The following SEMA3F variants were observed in gnomAD, a reference collection of about 807,000 sequenced individuals.
SEMA3F encodes the protein semaphorin-3F.
In SEMA3F, 30 loss-of-function variants were observed where a neutral mutation model predicts 98.5. That is an observed-to-expected ratio of 0.30 (90% confidence interval 0.23 to 0.41). The LOEUF (loss-of-function observed/expected upper bound fraction) is 0.41, where lower values mean the gene tolerates loss of function less well. Ranked by LOEUF, SEMA3F falls within the 10% of genes least tolerant of loss-of-function variation. The pLI is 1.00. For missense variants in SEMA3F, 866 were observed against 1,119.3 expected, an observed-to-expected ratio of 0.77 and a Z score of 3.23; for synonymous variants, 380 against 444.8, an observed-to-expected ratio of 0.85 and a Z score of 1.83.
chr3:50,185,670 C>T lies in SEMA3F; in HGVS notation c.1550C>T (p.Pro517Leu). Residue 517 changes from proline to leucine, a missense_variant, in exon 15 of 19, where the codon CCA becomes CTA. Pro to Leu is a moderately conservative substitution (Grantham distance 98, BLOSUM62 -3). Around this residue, in one of 3 missense-constraint regions of SEMA3F, gnomAD observed 374 missense variants for 582.8 expected, o/e 0.64. Coordinates refer to ENST00000002829, the MANE Select transcript of SEMA3F (RefSeq NM_004186.5). ...MLEEVEVFKD[P>L]APVKTMTISS... ...CTGATCTTTATCTTTTTCTAGGATC[C>T]AGCACCCGTCAAGACCATGACCATC... 6.2e-7 allele frequency: 1 copy of T among 1,614,180 alleles called. No homozygotes were observed. The highest frequency in any genetic ancestry group is 2.2e-5 in the East Asian group (1 of 44,884).
chr3:50,185,400 CAG>C, intron 13 of SEMA3F, 41 bp from the exon 14 acceptor site: 1 of 1,549,602 alleles, frequency 6.5e-7, no homozygotes, highest in Non-Finnish European at 8.8e-7. Context: ...ACCCCTTCCC[CAG>C]CATCCCCAGC....
chr3:50,166,881 G>C lies in SEMA3F; in HGVS notation c.113-6912G>C, dbSNP rs531269513. Among the ~76,000 whole-genome samples the C allele has an allele frequency of 6.6e-6, 1 of 152,014 alleles. No homozygotes were observed. The highest frequency in any genetic ancestry group is 1.5e-5 in the Non-Finnish European group (1 of 67,988). ...GTGGAGGAAGGAGTGAGGGGTTTCC[G>C]GGCCAGGTCTGGAATGTGGGAGGAG... is the stretch of plus-strand genomic sequence containing the variant. On this transcript the variant is annotated intron_variant, in intron 2 of 18. Coordinates refer to ENST00000002829, the MANE Select transcript of SEMA3F (RefSeq NM_004186.5). The surrounding 1 kb of genome is among the most constrained non-coding windows in gnomAD (Gnocchi z 4.7).
chr3:50,163,383 G>A (rs979153156), intron 2 of SEMA3F, among the ~76,000 whole-genome samples: 5 of 152,372 alleles, frequency 3.3e-5, no homozygotes, highest in South Asian at 4.1e-4. Flanking sequence ...GAACATCAGG[G>A]CCTAAGAGAG....
At chr3:50,174,150 A>G in intron 4 of SEMA3F, 36 bp downstream of exon 4, 1 of 1,613,912 alleles carries the variant, frequency 6.2e-7, no homozygotes, top group Non-Finnish European at 8.5e-7. Context: ...GGAAGGGGGA[A>G]TCCACAGGTG....
chr3:50,177,193 G>A (rs547051181), intron 7 of SEMA3F, among the ~76,000 whole-genome samples: 6 of 152,312 alleles, frequency 3.9e-5, no homozygotes, highest in African/African-American at 7.2e-5. Flanking sequence ...AGCCGAGTGC[G>A]TATCGGGGCT....
chr3:50,158,558 G>A lies in SEMA3F; in HGVS notation c.-48-1017G>A, dbSNP rs1698082974. Among the ~76,000 whole-genome samples, 1 of 152,372 alleles carries A rather than the reference G, an allele frequency of 6.6e-6. No individual in the cohort carries two copies. The highest frequency in any genetic ancestry group is 2.1e-4 in the South Asian group (1 of 4,832). ...CCAACTCCCATCCCAGCATCCTAGAGATGGGCCTGGGGTCCTGCCTGCCAC... is the reference window on the plus strand; with the variant it reads ...CCAACTCCCATCCCAGCATCCTAGAAATGGGCCTGGGGTCCTGCCTGCCAC... On this transcript the variant is annotated intron_variant, in intron 1 of 18. Coordinates refer to ENST00000002829, the MANE Select transcript of SEMA3F (RefSeq NM_004186.5). The surrounding 1 kb of genome is among the most constrained non-coding windows in gnomAD (Gnocchi z 4.8).
rs922768469 is a variant in SEMA3F at position 50,188,260 on chromosome 3, A to T, written c.*145A>T. On this transcript the variant is annotated 3_prime_UTR_variant, in exon 19 of 19. Coordinates refer to ENST00000002829, the MANE Select transcript of SEMA3F (RefSeq NM_004186.5). The surrounding 1 kb of genome is among the most constrained non-coding windows in gnomAD (Gnocchi z 4.5). ...AAGACAGTATTTATTGGTGGGTTGAATATAGCCTGCCTCAGTGGCAGCATC... is the reference window on the plus strand; with the variant it reads ...AAGACAGTATTTATTGGTGGGTTGATTATAGCCTGCCTCAGTGGCAGCATC... The T allele has an allele frequency of 3.6e-6, 1 of 280,074 alleles. No individual in the cohort carries two copies. The highest frequency in any genetic ancestry group is 6.0e-6 in the Non-Finnish European group (1 of 165,940). 17.3% of individuals were successfully genotyped at this position (280,074 alleles called of 1,614,324 possible).
rs1698831232 is a variant in SEMA3F at position 50,176,792 on chromosome 3, G to A, written c.574G>A (p.Glu192Lys). The change falls in exon 7 of 19, where the codon GAG becomes AAG. Residue 192 changes from glutamate (E) to lysine (K), a missense_variant. By Grantham distance (56) the Glu-to-Lys change is moderately conservative. Transcript: ENST00000002829. ...GGATTACATCTTCTACCTGGAGCCT[G>A]AGCGACTCGAGTCAGGGAAGGGCAA... is the stretch of plus-strand genomic sequence containing the variant. Reference protein sequence around the residue: ...RQDYIFYLEPERLESGKGKCP... With the variant: ...RQDYIFYLEPKRLESGKGKCP... The A allele has an allele frequency of 2.4e-5, 39 of 1,613,484 alleles. No homozygotes were observed. The East Asian group carries it at 8.5e-4, about 35-fold the overall frequency.
chr3:50,170,927 G>A (rs1575388312), intron 2 of SEMA3F, among the ~76,000 whole-genome samples: 2 of 152,096 alleles, frequency 1.3e-5, no homozygotes, highest in African/African-American at 2.4e-5. Context: ...CACGGGGAGC[G>A]AGTCACCTTC....
At position 50,183,005 on chromosome 3, in the gene SEMA3F, C is replaced by T. The variant is rs761315769; in HGVS notation, c.1005C>T (p.His335=). 2 of 1,613,658 alleles carry T rather than the reference C, an allele frequency of 1.2e-6. No homozygotes were observed. Among genetic ancestry groups the T allele is most frequent in the African/African-American group, 1.3e-5 (1 of 75,074 alleles). Residue 335 remains histidine, a synonymous_variant, in exon 10 of 19, where the codon CAC becomes CAT. Transcript: ENST00000002829. The stretch of plus-strand genomic sequence containing the variant: ...CGGGCGAGGATGGCATTGAGACTCA[C>T]TTTGATGAGCTCCGTGAGTGCCCAG... ...SVPGEDGIET[H]FDELQDVFVQ... is the part of the protein sequence containing the mutation.
rs760769051 is a variant in SEMA3F, at chr3:50,187,897, G to A, written c.2140G>A (p.Ala714Thr). ...AALFPPLSMS[A>T]PPPPGAGPPT... Reference sequence around the variant, plus strand: ...CCTCTTCCCACCACTGTCCATGAGCGCCCCGCCACCCCCAGGCGCAGGCCC... The same window carrying A: ...CCTCTTCCCACCACTGTCCATGAGCACCCCGCCACCCCCAGGCGCAGGCCC... Residue 714 changes from alanine to threonine, a missense_variant, in exon 19 of 19, where the codon GCC (alanine) becomes ACC (threonine). Ala to Thr is a moderately conservative substitution (Grantham distance 58). This residue lies in a region of SEMA3F where 245 missense variants were observed against 260.5 expected (regional missense o/e 0.94). Coordinates refer to ENST00000002829, the MANE Select transcript of SEMA3F (RefSeq NM_004186.5). The A allele has an allele frequency of 3.9e-5, 63 of 1,609,260 alleles. No homozygotes were observed. The highest frequency in any genetic ancestry group is 5.0e-5 in the Non-Finnish European group (59 of 1,177,454).
At position 50,168,581 on chromosome 3, in the gene SEMA3F, G is replaced by A. The variant is rs1033888019; in HGVS notation, c.113-5212G>A. ...CCCGCTTAGCTTGGCTGGGGTTCCC[G>A]GGGTTGTAGGTCTGTGGCCATGGGC... On this transcript the variant is annotated intron_variant, in intron 2 of 18. Coordinates refer to ENST00000002829, the MANE Select transcript of SEMA3F (RefSeq NM_004186.5). 4.6e-5 allele frequency among the ~76,000 whole-genome samples: 7 copies of A among 152,302 alleles called. No individual in the cohort carries two copies. The South Asian group carries it at 1.0e-3, about 23-fold the overall frequency.
At chr3:50,159,535 C>A (rs1243549510) in intron 1 of SEMA3F, 40 bp from the exon 2 acceptor site, 3 of 746,776 alleles carry the variant, frequency 4.0e-6, no homozygotes, top group Non-Finnish European at 6.8e-6. Context: ...TGAACTCCCC[C>A]ATCTGCCTCA....
Position 50,183,170 on chromosome 3 carries a change from C to T in SEMA3F, c.1019-16C>T. ...CGCCCATGGCACCCTCCAACACCTT[C>T]TCCCTCTGTCCCCAGAGGACGTGTT... On this transcript the variant is annotated splice_polypyrimidine_tract_variant and intron_variant, in intron 10 of 18. Transcript: ENST00000002829. 3.1e-6 allele frequency: 5 copies of T among 1,613,612 alleles called. No homozygotes were observed. In the South Asian group the frequency reaches 5.5e-5, roughly 18 times the overall value.
At chr3:50,160,424 G>T (rs186946387) in intron 2 of SEMA3F, among the ~76,000 whole-genome samples, 3 of 152,312 alleles carry the variant, frequency 2.0e-5, no homozygotes, top group Admixed American at 6.5e-5. Flanking sequence ...GAGGCTGGTC[G>T]CCCGCTCCAT....
intron 1 of SEMA3F, among the ~76,000 whole-genome samples, chr3:50,157,229 C>A (rs1442837079): frequency 6.6e-6 from 1 of 152,050 alleles, no homozygotes. Context: ...GCCCCCTGTC[C>A]CATCCCAGGT....
intron 7 of SEMA3F, among the ~76,000 whole-genome samples, chr3:50,180,604 G>T (rs1232752853): frequency 6.6e-6 from 1 of 152,176 alleles, no homozygotes; most frequent in Non-Finnish European, 1.5e-5. Flanking sequence ...GGAGAGAGAT[G>T]GGAGAATGGC....
intron 10 of SEMA3F, 43 bp from the exon 11 acceptor site, chr3:50,183,143 C>G: frequency 6.3e-7 from 1 of 1,596,880 alleles, no homozygotes; most frequent in Non-Finnish European, 8.6e-7. Flanking sequence ...CCCAGGGGCT[C>G]CCGCCCATGG....
At chr3:50,187,422 CAAAAAAAAA>C (rs901489365) in intron 18 of SEMA3F, among the ~76,000 whole-genome samples, 3 of 58,936 alleles carry the variant, frequency 5.1e-5, no homozygotes, top group Admixed American at 1.6e-4. Context: ...GACCTTGTCT[CAAAAAAAAA>C]AAAAAAAAAA....
Sources: gnomAD v4.1 joint callset for allele counts (sites outside exome capture counted in the v4.1 genomes callset) on GRCh38, gnomAD v4.1.1 for gene constraint, gnomAD v4.1.1 regional missense constraint, Gnocchi (gnomAD v3.1) non-coding constraint, MANE v1.5 for transcripts, NCBI Gene and HGNC (gene_info 2026-07-23, HGNC 2026-07-21) for gene names.